Variants in MAMLD1 observed in about 807,000 individuals in gnomAD.
The protein encoded by MAMLD1 is mastermind-like domain-containing protein 1.
In MAMLD1, 14 loss-of-function variants were observed where a neutral mutation model predicts 45.0. The observed-to-expected ratio is 0.31, with a 90% CI of 0.21 to 0.49. The LOEUF (loss-of-function observed/expected upper bound fraction) is 0.49, where lower values mean the gene tolerates loss of function less well. Ranked by LOEUF, MAMLD1 falls within the 20% of genes least tolerant of loss-of-function variation. The pLI is 0.99. For missense variants in MAMLD1, 543 were observed against 603.6 expected (o/e 0.90, Z 1.05); for synonymous variants, 254 against 247.8 (o/e 1.02, Z -0.24).
chrX:150,447,327 G>C (rs1557404838), intron 2 of MAMLD1, among the ~76,000 whole-genome samples: 1 of 112,001 alleles, frequency 8.9e-6, no homozygotes, highest in Non-Finnish European at 1.9e-5. Context: ...TGAGTGGCTT[G>C]ACTCTTTCTA....
chrX:150,369,690 C>G (rs2031804924), intron 1 of MAMLD1, among the ~76,000 whole-genome samples: 1 of 111,953 alleles, frequency 8.9e-6, no homozygotes, highest in Non-Finnish European at 1.9e-5. Flanking sequence ...TGGCATATTT[C>G]CAAAGGACTC....
In MAMLD1 at chrX:150,452,051, T is replaced by A. The variant is rs142021109; in HGVS notation, c.96+6439T>A. 3.2e-3 allele frequency among the ~76,000 whole-genome samples: 357 copies of A among 111,921 alleles called. 2 individuals carry two copies. Among genetic ancestry groups the A allele is most frequent in the Non-Finnish European group, 5.2e-3 (274 of 53,145 alleles). ...ATGCCCCTAGAGCTGTGGCTGAGTA[T>A]ATGGCACATAGTAAATGCTCAGTAA... On this transcript the variant is annotated intron_variant, in intron 2 of 7. Coordinates refer to ENST00000370401, the MANE Select transcript of MAMLD1 (RefSeq NM_005491.5).
At position 150,470,624 on chromosome X, in the gene MAMLD1, C is replaced by A; in HGVS notation, c.1051C>A (p.Leu351Met). The part of the protein sequence containing the change: ...RPVPSPHPPP[L>M]PLPPPPPPFS... ...AGTGCCATCACCACACCCACCACCG[C>A]TGCCACTGCCACCACCACCACCCCC... Residue 351 changes from leucine to methionine, a missense_variant, in exon 4 of 8, where the codon CTG becomes ATG. Physicochemically the swap from Leu to Met is conservative, Grantham distance 15. Coordinates refer to ENST00000370401, the MANE Select transcript of MAMLD1 (RefSeq NM_005491.5). 1 of 1,211,975 alleles carries A rather than the reference C, an allele frequency of 8.3e-7. No individual in the cohort carries two copies. The highest frequency in any genetic ancestry group is 1.1e-6 in the Non-Finnish European group (1 of 895,492).
At chrX:150,366,926 G>GA (rs1188447454) in intron 1 of MAMLD1, among the ~76,000 whole-genome samples, 5 of 110,846 alleles carry the variant, frequency 4.5e-5, no homozygotes, top group African/African-American at 1.6e-4. Flanking sequence ...TTCAGCTTCG[G>GA]AAAAAACTAG....
intron 1 of MAMLD1, among the ~76,000 whole-genome samples, chrX:150,396,787 T>G (rs1367595468): frequency 8.9e-6 from 1 of 111,920 alleles, no homozygotes; most frequent in Non-Finnish European, 1.9e-5. Context: ...CTGTTGACAG[T>G]TCCATGTTGG....
intron 4 of MAMLD1, among the ~76,000 whole-genome samples, chrX:150,471,938 C>A (rs2036442553): frequency 8.9e-6 from 1 of 112,516 alleles, no homozygotes; most frequent in Admixed American, 9.4e-5. Flanking sequence ...TTTTGCTGAG[C>A]AACCTCAGCA....
chrX:150,370,508 C>T (rs1319293245), intron 1 of MAMLD1, among the ~76,000 whole-genome samples: 10 of 111,652 alleles, frequency 9.0e-5, no homozygotes, highest in African/African-American at 3.3e-4. Flanking sequence ...GGGGGTTGTC[C>T]ATGGAGGTAA....
At chrX:150,374,211 C>T (rs782459090) in intron 1 of MAMLD1, among the ~76,000 whole-genome samples, 1 of 112,838 alleles carries the variant, frequency 8.9e-6, no homozygotes, top group South Asian at 3.6e-4. Flanking sequence ...TACTACTAGG[C>T]CTTAAGCCCA....
At chrX:150,398,339 A>G (rs1254009751) in intron 1 of MAMLD1, among the ~76,000 whole-genome samples, 1 of 67,400 alleles carries the variant, frequency 1.5e-5, no homozygotes, top group Non-Finnish European at 3.0e-5. Flanking sequence ...GAAGAAGAAG[A>G]AGAGGAAGAG....
chrX:150,459,225 C>T (rs1253102737), intron 2 of MAMLD1, among the ~76,000 whole-genome samples: 1 of 111,583 alleles, frequency 9.0e-6, no homozygotes, highest in Non-Finnish European at 1.9e-5. Context: ...TGTGTTCCCC[C>T]AGGAGGCCCT....
At chrX:150,457,902 C>T (rs950577386) in intron 2 of MAMLD1, among the ~76,000 whole-genome samples, 4 of 111,893 alleles carry the variant, frequency 3.6e-5, no homozygotes, top group Non-Finnish European at 5.6e-5. Flanking sequence ...TAAATGCTAC[C>T]GAATTGTACA....
rs191317694 is a variant in MAMLD1 at position 150,487,877 on chromosome X, A to G, written c.2040+14075A>G. Among the ~76,000 whole-genome samples, 10 of 112,823 alleles carry G rather than the reference A, an allele frequency of 8.9e-5. No individual in the cohort carries two copies. The East Asian group carries it at 2.8e-3, about 31-fold the overall frequency. Reference sequence around the variant, plus strand: ...TGCCTTGTCCATCAATGTTTTCACAACACAGGTCCTGGATCACTGTAAATG... The same window carrying G: ...TGCCTTGTCCATCAATGTTTTCACAGCACAGGTCCTGGATCACTGTAAATG... On this transcript the variant is annotated intron_variant, in intron 5 of 7. Transcript: ENST00000370401.
chrX:150,470,299 T>A lies in MAMLD1; in HGVS notation c.726T>A (p.Ser242Arg), dbSNP rs782496719. The A allele has an allele frequency of 4.1e-6, 5 of 1,208,719 alleles. No homozygotes were observed. The highest frequency in any genetic ancestry group is 5.6e-6 in the Non-Finnish European group (5 of 893,364). Residue 242 changes from serine to arginine, a missense_variant, in exon 4 of 8, where the codon AGT becomes AGA. Coordinates refer to ENST00000370401, the MANE Select transcript of MAMLD1 (RefSeq NM_005491.5). ...CTTCCAGCAAGGAGTTTGCTTCTAG[T>A]TGCAGCCAAGTTACTGGCATGTCAC... ...SLASSKEFASSCSQVTGMSLQ... is the reference protein window; with the variant it reads ...SLASSKEFASRCSQVTGMSLQ...
At position 150,395,499 on chromosome X, in the gene MAMLD1, G is replaced by C. The variant is rs1270997320; in HGVS notation, c.-64+31969G>C. The stretch of plus-strand genomic sequence containing the variant: ...CTTCTATTCTCTGCAAGATAATGTA[G>C]AGAATTTGTGTCATTTCTTCCTTAA... On this transcript the variant is annotated intron_variant, in intron 1 of 7. Coordinates refer to ENST00000370401, the MANE Select transcript of MAMLD1 (RefSeq NM_005491.5). Among the ~76,000 whole-genome samples the C allele has an allele frequency of 2.7e-5, 3 of 111,770 alleles. No homozygotes were observed. The Admixed American group carries it at 2.8e-4, about 11-fold the overall frequency.
At chrX:150,392,333 G>A (rs1252508363) in intron 1 of MAMLD1, among the ~76,000 whole-genome samples, 1 of 111,645 alleles carries the variant, frequency 9.0e-6, no homozygotes, top group Admixed American at 9.5e-5. Context: ...TCCCTGACTT[G>A]CAGGACTGAG....
chrX:150,485,063 C>T (rs1417063843), intron 5 of MAMLD1, among the ~76,000 whole-genome samples: 5 of 111,260 alleles, frequency 4.5e-5, no homozygotes, highest in Non-Finnish European at 7.5e-5. Flanking sequence ...AAATGCTCCA[C>T]GTACATTTGT....
At position 150,510,037 on chromosome X, in the gene MAMLD1, C is replaced by T. The variant is rs2037854282; in HGVS notation, c.*35C>T. On this transcript the variant is annotated 3_prime_UTR_variant, in exon 7 of 8. Coordinates refer to ENST00000370401, the MANE Select transcript of MAMLD1 (RefSeq NM_005491.5). ...TGCATATATCTCCCAACAGATGAGT[C>T]CATTTGAAGGTAAGCAGTTAAGGCC... The T allele has an allele frequency of 8.4e-7, 1 of 1,196,928 alleles. No homozygotes were observed. Among genetic ancestry groups the T allele is most frequent in the Non-Finnish European group, 1.1e-6 (1 of 882,326 alleles).
At chrX:150,476,363 G>T (rs368160359) in intron 5 of MAMLD1, among the ~76,000 whole-genome samples, 1 of 112,385 alleles carries the variant, frequency 8.9e-6, no homozygotes, top group Non-Finnish European at 1.9e-5. Context: ...CAAAAATCGC[G>T]GTTAGGACTT....
At chrX:150,413,547 G>C (rs1217953646) in intron 1 of MAMLD1, among the ~76,000 whole-genome samples, 1 of 110,446 alleles carries the variant, frequency 9.1e-6, no homozygotes, top group African/African-American at 3.3e-5. Flanking sequence ...ACAGTTGAAG[G>C]CTCATCACAC....
Sources: gnomAD v4.1 joint callset for allele counts (sites outside exome capture counted in the v4.1 genomes callset) on GRCh38, gnomAD v4.1.1 for gene constraint, MANE v1.5 for transcripts, NCBI Gene and HGNC (gene_info 2026-07-23, HGNC 2026-07-21) for gene names.